Variants in RUBCN observed in about 807,000 individuals in gnomAD.
The protein encoded by RUBCN is rubicon autophagy regulator.
A neutral mutation model predicts 113.2 loss-of-function variants in RUBCN; 74 were observed. The ratio of observed to expected loss-of-function variants is 0.65; its 90% CI spans 0.54 to 0.79. The LOEUF is 0.79. Among genes scored for constraint, RUBCN ranks in the 30% least tolerant of loss-of-function variants. The pLI, the probability that RUBCN is intolerant of heterozygous loss-of-function variation, is 0.00. For synonymous variants in RUBCN, 480 were observed against 490.0 expected (o/e 0.98, Z 0.27); for missense variants, 1,109 against 1,251.7 (o/e 0.89, Z 1.72).
In RUBCN at chr3:197,718,149, C is replaced by T; in HGVS notation, c.66-19G>A. On this transcript the variant is annotated intron_variant, in intron 1 of 19. Coordinates refer to ENST00000296343, the MANE Select transcript of RUBCN (RefSeq NM_014687.4). ...CTCCCTCCTGCAAGGGCATCAGTTA[C>T]ACCAATCGTTAGTTACCTTTGCTGT... 12 of 1,614,128 alleles carry T rather than the reference C, an allele frequency of 7.4e-6. No individual in the cohort carries two copies. The highest frequency in any genetic ancestry group is 9.3e-6 in the Non-Finnish European group (11 of 1,179,948).
intron 11 of RUBCN, among the ~76,000 whole-genome samples, chr3:197,689,292 G>A (rs1722172450): frequency 1.3e-5 from 2 of 152,102 alleles, no homozygotes; most frequent in Admixed American, 1.3e-4. Context: ...GCCTCCCAGA[G>A]TGCTGGGATT....
chr3:197,718,844 ACTT>A (rs935358034), intron 1 of RUBCN, among the ~76,000 whole-genome samples: 83 of 152,298 alleles, frequency 5.4e-4, no homozygotes, highest in African/African-American at 2.0e-3. Context: ...GCCAAAAACA[ACTT>A]CTTATTTCCT....
intron 1 of RUBCN, among the ~76,000 whole-genome samples, chr3:197,742,063 T>A (rs1728547162): frequency 6.6e-6 from 1 of 151,808 alleles, no homozygotes; most frequent in Non-Finnish European, 1.5e-5. Context: ...GCCTGGCTAA[T>A]TTTTTGTATT....
chr3:197,746,602 A>G (rs1283188990), intron 1 of RUBCN, among the ~76,000 whole-genome samples: 1 of 152,262 alleles, frequency 6.6e-6, no homozygotes, highest in South Asian at 2.1e-4. Context: ...TGTAGTTAAA[A>G]AAAAATCACT....
chr3:197,696,139 C>G (rs1347240124), intron 8 of RUBCN, among the ~76,000 whole-genome samples, 158 bp from the exon 9 acceptor site: 6 of 152,172 alleles, frequency 3.9e-5, no homozygotes, highest in Non-Finnish European at 7.4e-5. Flanking sequence ...TTTGGGAGGG[C>G]AAGGCAGGCG....
rs957329120 is a variant in RUBCN at position 197,736,833 on chromosome 3, G to T, written c.-114C>A. 6.4e-6 allele frequency: 9 copies of T among 1,413,242 alleles called. No individual in the cohort carries two copies. The highest frequency in any genetic ancestry group is 8.2e-6 in the Non-Finnish European group (9 of 1,092,928). The allele number at this position is 1,413,242 out of a possible 1,614,324, so 87.5% of individuals were successfully genotyped here. On this transcript the variant is annotated 5_prime_UTR_variant, in exon 1 of 20. Coordinates refer to ENST00000296343, the MANE Select transcript of RUBCN (RefSeq NM_014687.4). ...AGGCACCTGCGGCCGGTGGGCTCCG[G>T]GTGATGCGCTACACCCGGGCGGCGA...
intron 11 of RUBCN, among the ~76,000 whole-genome samples, chr3:197,690,576 ATC>A (rs1722317058): frequency 1.3e-5 from 2 of 152,256 alleles, no homozygotes; most frequent in Admixed American, 6.5e-5. Context: ...AAGAACAAAC[ATC>A]TACAGCAGTA....
intron 18 of RUBCN, chr3:197,676,538 C>T: frequency 1.0e-6 from 1 of 1,001,596 alleles, no homozygotes; most frequent in Non-Finnish European, 1.3e-6. Context: ...GTCTTGAACT[C>T]CTGACCTCAG....
At chr3:197,734,603 T>C (rs73894335) in intron 1 of RUBCN, among the ~76,000 whole-genome samples, 4,901 of 152,208 alleles carry the variant, frequency 0.032, 257 homozygotes, top group African/African-American at 0.11. Flanking sequence ...TAACGCAGTA[T>C]TCATATCTTA....
At chr3:197,732,388 A>G (rs1004890912) in intron 1 of RUBCN, among the ~76,000 whole-genome samples, 3 of 152,152 alleles carry the variant, frequency 2.0e-5, no homozygotes, top group East Asian at 3.9e-4. Flanking sequence ...ATCTCGGCTC[A>G]CTGCAAGCTC....
rs1459089406 is a variant in RUBCN at position 197,675,430 on chromosome 3, G to C, written c.2732C>G (p.Thr911Ser). The change falls in exon 19 of 20, where the codon ACC becomes AGC. Residue 911 changes from threonine (T) to serine (S), a missense_variant. Around this residue, in one of 3 missense-constraint regions of RUBCN, gnomAD observed 306 missense variants for 348.9 expected, o/e 0.88. Coordinates refer to ENST00000296343, the MANE Select transcript of RUBCN (RefSeq NM_014687.4). The surrounding 1 kb of genome is among the most constrained non-coding windows in gnomAD (Gnocchi z 4.4). ...CCTGCACCTGCCCTCACCTTCACAG[G>C]TCCGGCACTTATGGAGCTCAAAGGG... ...IFPFELHKCRTCEECKACYHK... is the reference protein window; with the variant it reads ...IFPFELHKCRSCEECKACYHK... The C allele has an allele frequency of 6.2e-7, 1 of 1,613,322 alleles. No homozygotes were observed. Among genetic ancestry groups the C allele is most frequent in the Non-Finnish European group, 8.5e-7 (1 of 1,179,468 alleles).
chr3:197,672,980 T>C lies in RUBCN; in HGVS notation c.*2038A>G, dbSNP rs113643371. ...TGCTGGGATTACAGGTGTGAGCCAC[T>C]GTGCCTGGCCTGGATGTGTAATTTA... On this transcript the variant is annotated 3_prime_UTR_variant, in exon 20 of 20. Transcript: ENST00000296343. 0.048 allele frequency: 7,322 copies of C among 152,512 alleles called. 525 individuals carry two copies. The highest frequency in any genetic ancestry group is 0.15 in the African/African-American group (6,389 of 41,566). The allele number at this position is 152,512 out of a possible 1,614,324, so 9.4% of individuals were successfully genotyped here.
rs115199620 is a variant in RUBCN, at chr3:197,712,193, A to T, written c.219+5784T>A. Among the ~76,000 whole-genome samples the T allele has an allele frequency of 2.5e-3, 379 of 152,292 alleles. 1 individual carries two copies. Among genetic ancestry groups the T allele is most frequent in the African/African-American group, 8.5e-3 (354 of 41,568 alleles). On this transcript the variant is annotated intron_variant, in intron 2 of 19. Coordinates refer to ENST00000296343, the MANE Select transcript of RUBCN (RefSeq NM_014687.4). ...GCAATCTCAGGGGCTAAATGTCTCC[A>T]CATTTCTAAGCAACAGAAAAGAGGC...
At position 197,669,711 on chromosome 3, in the gene RUBCN, A is replaced by G. The variant is rs889190377; in HGVS notation, c.*5307T>C. ...TCCACCCTCAATGGGAGAAGGAATTAAACTCCACCTCCTGGGAGAATTTAC... is the reference window on the plus strand; with the variant it reads ...TCCACCCTCAATGGGAGAAGGAATTGAACTCCACCTCCTGGGAGAATTTAC... On this transcript the variant is annotated 3_prime_UTR_variant, in exon 20 of 20. Transcript: ENST00000296343. Among the ~76,000 whole-genome samples, 5 of 152,248 alleles carry G rather than the reference A, an allele frequency of 3.3e-5. No homozygotes were observed. The highest frequency in any genetic ancestry group is 1.2e-4 in the African/African-American group (5 of 41,460).
intron 11 of RUBCN, among the ~76,000 whole-genome samples, chr3:197,687,294 G>A (rs1232926416): frequency 6.6e-6 from 1 of 152,212 alleles, no homozygotes; most frequent in African/African-American, 2.4e-5. Context: ...TTAAAAAAGG[G>A]ATGGGGGAGA....
upstream of RUBCN, chr3:197,737,048 C>A: frequency 1.3e-6 from 1 of 750,844 alleles, no homozygotes; most frequent in Non-Finnish European, 1.8e-6. Context: ...CCGCGCCCTC[C>A]AATCCCAGGC....
intron 3 of RUBCN, 44 bp downstream of exon 3, chr3:197,705,048 G>T: frequency 6.9e-7 from 1 of 1,451,560 alleles, no homozygotes; most frequent in South Asian, 1.2e-5. Flanking sequence ...AAACAGTGAA[G>T]ACCCACAGCT....
intron 2 of RUBCN, 92 bp downstream of exon 2, chr3:197,717,885 G>T: frequency 7.1e-7 from 1 of 1,410,608 alleles, no homozygotes; most frequent in South Asian, 1.2e-5. Flanking sequence ...GGAGTCCACA[G>T]ACCAGTGGCC....
At position 197,702,784 on chromosome 3, in the gene RUBCN, G is replaced by C. The variant is rs540214043; in HGVS notation, c.570+764C>G. On this transcript the variant is annotated intron_variant, in intron 5 of 19. Transcript: ENST00000296343. The stretch of plus-strand genomic sequence containing the variant: ...AGCTAAGGCACTGACTGGAGTATTA[G>C]TGATGGGATAAGTTAATTTTAGGCA... Among the ~76,000 whole-genome samples, 4 of 152,252 alleles carry C rather than the reference G, an allele frequency of 2.6e-5. No homozygotes were observed. The South Asian group carries it at 6.2e-4, about 24-fold the overall frequency.
Sources: allele counts gnomAD v4.1 joint callset (sites outside exome capture counted in the v4.1 genomes callset), GRCh38; gene constraint gnomAD v4.1.1; regional missense constraint gnomAD v4.1.1; non-coding constraint Gnocchi (gnomAD v3.1); transcripts MANE v1.5; gene names NCBI Gene and HGNC (gene_info 2026-07-23, HGNC 2026-07-21).